The following RNF13 variants were observed in gnomAD, a reference collection of about 807,000 sequenced individuals.
The protein encoded by RNF13 is ring finger protein 13.
A neutral mutation model predicts 37.7 loss-of-function variants in RNF13; 19 were observed. The observed-to-expected ratio is 0.50, with a 90% CI of 0.35 to 0.74. The LOEUF (loss-of-function observed/expected upper bound fraction) is 0.74. RNF13 is among the 30% of genes least tolerant of loss of function. The pLI, the probability that RNF13 is intolerant of heterozygous loss-of-function variation, is 0.01. For missense variants in RNF13, 375 were observed against 453.0 expected (o/e 0.83, Z 1.56); for synonymous variants, 144 against 157.8 (o/e 0.91, Z 0.65).
chr3:149,874,229 T>A (rs1458780116), intron 4 of RNF13, among the ~76,000 whole-genome samples: 1 of 152,212 alleles, frequency 6.6e-6, no homozygotes, highest in African/African-American at 2.4e-5. Context: ...CTTACTTATG[T>A]CATTCCTAAT....
intron 8 of RNF13, among the ~76,000 whole-genome samples, chr3:149,956,345 TA>T (rs1411068995): frequency 6.6e-6 from 1 of 152,154 alleles, no homozygotes; most frequent in Non-Finnish European, 1.5e-5. Context: ...GTTTTGCAGA[TA>T]AAAGGTTCCA....
chr3:149,866,024 G>A lies in RNF13; in HGVS notation c.196-6005G>A, dbSNP rs1576788560. 2.0e-5 allele frequency among the ~76,000 whole-genome samples: 3 copies of A among 152,264 alleles called. No individual in the cohort carries two copies. In the South Asian group the frequency reaches 6.2e-4, roughly 32 times the overall value. On this transcript the variant is annotated intron_variant, in intron 3 of 9. Transcript: ENST00000392894. ...TATTTCTTGATGATATGCTAAACAA[G>A]GGGTGGGATTATTTCTGCCTTCCCT...
At chr3:149,905,114 T>G (rs1716256913) in intron 6 of RNF13, among the ~76,000 whole-genome samples, 1 of 152,226 alleles carries the variant, frequency 6.6e-6, no homozygotes, top group Admixed American at 6.5e-5. Context: ...TTGGAATAGA[T>G]TTCTAGAAGT....
At chr3:149,924,509 G>T (rs1442120728) in intron 8 of RNF13, among the ~76,000 whole-genome samples, 1 of 152,160 alleles carries the variant, frequency 6.6e-6, no homozygotes, top group African/African-American at 2.4e-5. Context: ...AAAATCAGGA[G>T]AGTGTGATTT....
intron 1 of RNF13, among the ~76,000 whole-genome samples, chr3:149,833,115 TCTC>T (rs1158335784): frequency 2.1e-4 from 16 of 76,580 alleles, no homozygotes; most frequent in African/African-American, 6.8e-4. Flanking sequence ...TCTCTCTCTC[TCTC>T]TTTTTTTTTT....
At chr3:149,845,458 G>A (rs1330856651) in intron 1 of RNF13, among the ~76,000 whole-genome samples, 1 of 152,060 alleles carries the variant, frequency 6.6e-6, no homozygotes, top group Admixed American at 6.6e-5. Flanking sequence ...GACGTAGAGA[G>A]GGGAAAAAAG....
upstream of RNF13, chr3:149,812,811 T>G (rs920156148): frequency 2.0e-5 from 3 of 152,842 alleles, no homozygotes; most frequent in Non-Finnish European, 4.4e-5. Flanking sequence ...TGGGCTACTC[T>G]GTCCCAACAG....
At chr3:149,937,395 G>T (rs958964363) in intron 8 of RNF13, among the ~76,000 whole-genome samples, 1 of 152,064 alleles carries the variant, frequency 6.6e-6, no homozygotes, top group Admixed American at 6.5e-5. Flanking sequence ...TAGAGAAGTC[G>T]AGGGGCATCA....
chr3:149,865,354 A>G (rs914118322), intron 3 of RNF13, among the ~76,000 whole-genome samples: 2 of 148,764 alleles, frequency 1.3e-5, no homozygotes, highest in Non-Finnish European at 3.0e-5. Context: ...ATATATATGT[A>G]TAAAACAGAC....
chr3:149,893,343 A>G (rs1714917358), intron 4 of RNF13, among the ~76,000 whole-genome samples: 1 of 152,182 alleles, frequency 6.6e-6, no homozygotes, highest in Non-Finnish European at 1.5e-5. Flanking sequence ...TTAAAAAGAA[A>G]TTTAAAACTT....
intron 1 of RNF13, among the ~76,000 whole-genome samples, chr3:149,841,819 G>A (rs1301740402): frequency 6.6e-6 from 1 of 151,980 alleles, no homozygotes; most frequent in Non-Finnish European, 1.5e-5. Context: ...TAGTAGAGAC[G>A]GGGTTTCCCC....
chr3:149,926,490 G>A lies in RNF13; in HGVS notation c.700+5263G>A, dbSNP rs1164409241. On this transcript the variant is annotated intron_variant, in intron 8 of 9. Coordinates refer to ENST00000392894, the MANE Select transcript of RNF13 (RefSeq NM_183381.3). ...CTCCCAAAGTGCTGGGATTACAGGC[G>A]TGAGCCACCATGCCCAGCCTCTTCT... Among the ~76,000 whole-genome samples, 5 of 152,184 alleles carry A rather than the reference G, an allele frequency of 3.3e-5. 1 individual carries two copies. The highest frequency in any genetic ancestry group is 7.2e-5 in the African/African-American group (3 of 41,524).
At chr3:149,898,210 G>A (rs2635624) in intron 5 of RNF13, among the ~76,000 whole-genome samples, 1 of 152,202 alleles carries the variant, frequency 6.6e-6, no homozygotes, top group Non-Finnish European at 1.5e-5. Context: ...GAGGAGCCTA[G>A]ATGAGGAGTC....
At position 149,905,549 on chromosome 3, in the gene RNF13, T is replaced by G. The variant is rs931582307; in HGVS notation, c.500+3387T>G. ...ATTTTTATTTCACTATGATGTTGGG[T>G]TTTTTTTAATGTAAACAAAAATCAA... On this transcript the variant is annotated intron_variant, in intron 6 of 9. Coordinates refer to ENST00000392894, the MANE Select transcript of RNF13 (RefSeq NM_183381.3). Among the ~76,000 whole-genome samples the G allele has an allele frequency of 2.0e-5, 3 of 151,692 alleles. No homozygotes were observed. The South Asian group carries it at 6.2e-4, about 31-fold the overall frequency.
At position 149,831,497 on chromosome 3, in the gene RNF13, G is replaced by T. The variant is rs549220223; in HGVS notation, c.-16-14514G>T. ...TCTGCATGGACTCTGTACCCCCCTT[G>T]TTTCTGCCAGTTTCTCCCGTTTGGA... is the stretch of plus-strand genomic sequence containing the variant. On this transcript the variant is annotated intron_variant, in intron 1 of 9. Coordinates refer to ENST00000392894, the MANE Select transcript of RNF13 (RefSeq NM_183381.3). Among the ~76,000 whole-genome samples the T allele has an allele frequency of 1.8e-4, 28 of 152,268 alleles. 1 individual carries two copies. In the South Asian group the frequency reaches 5.0e-3, roughly 27 times the overall value.
intron 4 of RNF13, among the ~76,000 whole-genome samples, chr3:149,879,499 G>C (rs1287350265): frequency 1.3e-5 from 2 of 151,606 alleles, no homozygotes; most frequent in African/African-American, 4.8e-5. Flanking sequence ...GTTGAGAGGG[G>C]GTCTTGTTAT....
intron 1 of RNF13, 48 bp from the exon 2 acceptor site, chr3:149,845,963 C>T: frequency 1.0e-6 from 1 of 998,712 alleles, no homozygotes; most frequent in East Asian, 2.4e-5. Context: ...TGATCTATTC[C>T]CTGGGACAAA....
chr3:149,934,146 G>A (rs1719451939), intron 8 of RNF13, among the ~76,000 whole-genome samples: 1 of 151,866 alleles, frequency 6.6e-6, no homozygotes, highest in Non-Finnish European at 1.5e-5. Context: ...ATTTTTTCTA[G>A]GTTATCTAAT....
intron 5 of RNF13, among the ~76,000 whole-genome samples, chr3:149,900,621 T>A (rs967598204): frequency 5.9e-5 from 9 of 152,170 alleles, no homozygotes; most frequent in African/African-American, 1.9e-4. Context: ...ATGAGGTAGA[T>A]CTGTATTTAT....
Sources: allele counts gnomAD v4.1 joint callset (sites outside exome capture counted in the v4.1 genomes callset), GRCh38; gene constraint gnomAD v4.1.1; transcripts MANE v1.5; gene names NCBI Gene and HGNC (gene_info 2026-07-23, HGNC 2026-07-21).